Variants in KAZN observed in about 807,000 individuals in gnomAD.
KAZN encodes kazrin.
A neutral mutation model predicts 87.4 loss-of-function variants in KAZN; 40 were observed. The ratio of observed to expected loss-of-function variants is 0.46; its 90% CI spans 0.36 to 0.60. The LOEUF is 0.60. Among genes scored for constraint, KAZN ranks in the 20% least tolerant of loss-of-function variants. The pLI, the probability that KAZN is intolerant of heterozygous loss-of-function variation, is 0.00. For synonymous variants in KAZN, 466 were observed against 458.3 expected, an observed-to-expected ratio of 1.02 and a Z score of -0.22; for missense variants, 898 against 1,073.9, an observed-to-expected ratio of 0.84 and a Z score of 2.29.
Position 14,996,867 on chromosome 1 carries a change from G to A in KAZN, c.418+35992G>A, listed in dbSNP as rs1423496778. Among the ~76,000 whole-genome samples the A allele has an allele frequency of 1.3e-5, 2 of 152,176 alleles. No homozygotes were observed. Among genetic ancestry groups the A allele is most frequent in the Non-Finnish European group, 2.9e-5 (2 of 68,020 alleles). ...GAGGGCCGTTTGCCTGCGGCCCCAT[G>A]ACCTCGCACCCACCTCCCTGCCTGA... On this transcript the variant is annotated intron_variant, in intron 2 of 14. Transcript: ENST00000376030. The surrounding 1 kb of genome is among the most constrained non-coding windows in gnomAD (Gnocchi z 5.9).
At chr1:14,043,527 T>A (rs552960622) in intron 1 of KAZN, among the ~76,000 whole-genome samples, 2 of 152,348 alleles carry the variant, frequency 1.3e-5, no homozygotes, top group South Asian at 4.1e-4. Flanking sequence ...CTGTTTTCCA[T>A]AGAGGCTATA....
chr1:14,381,347 C>A (rs1018543902), intron 2 of KAZN, among the ~76,000 whole-genome samples: 5 of 151,784 alleles, frequency 3.3e-5, no homozygotes, highest in African/African-American at 1.2e-4. Flanking sequence ...GCCAGTATTA[C>A]CCTGCTACCA....
chr1:14,342,160 T>A (rs921961584), intron 2 of KAZN, among the ~76,000 whole-genome samples: 1 of 152,220 alleles, frequency 6.6e-6, no homozygotes, highest in Non-Finnish European at 1.5e-5. Flanking sequence ...AAGGACATAA[T>A]CTCGTTCTTT....
chr1:14,075,784 C>A (rs1003101926), intron 1 of KAZN, among the ~76,000 whole-genome samples: 2 of 152,126 alleles, frequency 1.3e-5, no homozygotes, highest in Non-Finnish European at 2.9e-5. Flanking sequence ...GCCCTATACA[C>A]TGTAGGATGT....
intron 1 of KAZN, among the ~76,000 whole-genome samples, chr1:14,958,801 T>G (rs923396138): frequency 6.6e-6 from 1 of 152,070 alleles, no homozygotes; most frequent in Non-Finnish European, 1.5e-5. Context: ...CCCTGGTCCC[T>G]CTGTGATCTG....
chr1:14,810,575 C>T (rs887835685), intron 1 of KAZN, among the ~76,000 whole-genome samples: 1 of 152,116 alleles, frequency 6.6e-6, no homozygotes, highest in African/African-American at 2.4e-5. Flanking sequence ...GGACATGACC[C>T]CCTCCCACCC....
At chr1:14,262,372 C>A (rs541920699) in intron 2 of KAZN, among the ~76,000 whole-genome samples, 1 of 152,264 alleles carries the variant, frequency 6.6e-6, no homozygotes, top group East Asian at 1.9e-4. Flanking sequence ...CTGTAGATAA[C>A]CTATGTGGAA....
chr1:14,171,732 C>T (rs764476192), intron 1 of KAZN, among the ~76,000 whole-genome samples: 32 of 152,286 alleles, frequency 2.1e-4, no homozygotes, highest in Non-Finnish European at 4.1e-4. Context: ...CATGATATGA[C>T]TCATCTGGTA....
chr1:14,806,514 G>C (rs1557509967), intron 1 of KAZN, among the ~76,000 whole-genome samples: 2 of 152,322 alleles, frequency 1.3e-5, no homozygotes, highest in Admixed American at 1.3e-4. Context: ...ACCAATGAGG[G>C]GTTGATTGGC....
At position 14,335,203 on chromosome 1, in the gene KAZN, C is replaced by CTT. The variant is rs34934115; in HGVS notation, c.249+154626_249+154627dup. On this transcript the variant is annotated intron_variant, in intron 2 of 16. Coordinates refer to the KAZN transcript ENST00000636203. ...AAAGGAGGCCGGCATGTCCTCCTTT[C>CTT]TTTTTTTTTTTTTTTTGGAGATGGA... Among the ~76,000 whole-genome samples the CTT allele has an allele frequency of 7.7e-3, 1,012 of 131,314 alleles. 12 individuals are homozygous for CTT. Among genetic ancestry groups the CTT allele is most frequent in the African/African-American group, 0.025 (912 of 35,950 alleles). The allele number at this position is 131,314 out of a possible 152,430, so 86.1% of individuals were successfully genotyped here. A position where few individuals can be genotyped will look rare whatever the true frequency, so the allele number is the denominator to read the frequency against.
chr1:14,945,913 G>A (rs1661717214), intron 1 of KAZN: 1 of 985,376 alleles, frequency 1.0e-6, no homozygotes. Context: ...GGCATGCCCT[G>A]TGATGGCATC....
intron 1 of KAZN, among the ~76,000 whole-genome samples, chr1:14,873,739 G>A (rs762648352): frequency 2.6e-5 from 4 of 152,170 alleles, no homozygotes; most frequent in Admixed American, 6.5e-5. Flanking sequence ...GGCAGGTGCC[G>A]GAGACAAATA....
intron 1 of KAZN, among the ~76,000 whole-genome samples, chr1:14,674,896 C>T (rs1369836538): frequency 6.6e-6 from 1 of 152,110 alleles, no homozygotes. Flanking sequence ...AAGCCATCTT[C>T]CCACCTCAGC....
chr1:14,052,034 A>C (rs1454930966), intron 1 of KAZN, among the ~76,000 whole-genome samples: 2 of 152,130 alleles, frequency 1.3e-5, no homozygotes, highest in Non-Finnish European at 2.9e-5. Context: ...GAGCTGCTTC[A>C]CCGTGTGGTT....
chr1:14,514,472 A>T (rs1462426148), intron 2 of KAZN, among the ~76,000 whole-genome samples: 1 of 30,922 alleles, frequency 3.2e-5, no homozygotes, highest in African/African-American at 9.7e-5. Context: ...TTTTATATAA[A>T]TATTTTATAT....
chr1:13,973,384 T>C (rs1392645256), intron 1 of KAZN, among the ~76,000 whole-genome samples: 4 of 152,166 alleles, frequency 2.6e-5, no homozygotes, highest in Non-Finnish European at 4.4e-5. Context: ...TTCAGGTGTC[T>C]AGTTGGGCTT....
chr1:13,901,848 G>A (rs139227541), intron 1 of KAZN, among the ~76,000 whole-genome samples: 1 of 152,246 alleles, frequency 6.6e-6, no homozygotes, highest in African/African-American at 2.4e-5. Context: ...CTAGCTTGTT[G>A]TACGATGAAG....
At chr1:14,732,600 C>G (rs1361288318) in intron 1 of KAZN, among the ~76,000 whole-genome samples, 2 of 152,198 alleles carry the variant, frequency 1.3e-5, no homozygotes, top group Admixed American at 6.5e-5. Flanking sequence ...GATTGCACCA[C>G]TACACTCCAG....
intron 2 of KAZN, among the ~76,000 whole-genome samples, chr1:14,388,637 G>T (rs1662158710): frequency 6.6e-6 from 1 of 152,042 alleles, no homozygotes; most frequent in Non-Finnish European, 1.5e-5. Context: ...GGGAAAACTG[G>T]ATATCCATAT....
Sources: gnomAD v4.1 joint callset for allele counts (sites outside exome capture counted in the v4.1 genomes callset) on GRCh38, gnomAD v4.1.1 for gene constraint, Gnocchi (gnomAD v3.1) non-coding constraint, MANE v1.5 for transcripts, NCBI Gene and HGNC (gene_info 2026-07-23, HGNC 2026-07-21) for gene names.